CSMD1: variants seen among roughly 807,000 people sequenced by gnomAD.
The protein encoded by CSMD1 is CUB and sushi domain-containing protein 1.
In CSMD1, 213 loss-of-function variants were observed where a neutral mutation model predicts 417.5. The observed-to-expected ratio is 0.51, with a 90% CI of 0.46 to 0.57. CSMD1 has a LOEUF of 0.57. Ranked by LOEUF, CSMD1 falls within the 20% of genes least tolerant of loss-of-function variation. The pLI, the probability that CSMD1 is intolerant of heterozygous loss-of-function variation, is 0.00. For missense variants in CSMD1, 6,923 were observed against 4,529.7 expected (o/e 1.53, Z -15.17); for synonymous variants, 2,862 against 1,736.8 (o/e 1.65, Z -16.11).
intron 5 of CSMD1, among the ~76,000 whole-genome samples, chr8:3,872,018 G>C (rs573689218): frequency 1.3e-5 from 2 of 152,200 alleles, no homozygotes; most frequent in Admixed American, 1.3e-4. Context: ...AGTGAGTATA[G>C]TGGTTAACAC....
At chr8:4,371,533 T>C (rs1260421747) in intron 3 of CSMD1, among the ~76,000 whole-genome samples, 3 of 152,176 alleles carry the variant, frequency 2.0e-5, no homozygotes, top group South Asian at 2.1e-4. Flanking sequence ...AAAGAGACAA[T>C]ATCGTTATAA....
chr8:4,728,588 C>A (rs140851077), intron 1 of CSMD1, among the ~76,000 whole-genome samples: 1 of 152,170 alleles, frequency 6.6e-6, no homozygotes, highest in African/African-American at 2.4e-5. Flanking sequence ...TTACTGATAC[C>A]ATTTAACACA....
chr8:4,407,205 A>C (rs1805090738), intron 3 of CSMD1, among the ~76,000 whole-genome samples: 2 of 152,152 alleles, frequency 1.3e-5, no homozygotes, highest in Admixed American at 1.3e-4. Flanking sequence ...TAGAGTGATC[A>C]CCCCTGAATT....
rs1354711474 is a variant in CSMD1, at chr8:3,576,279, A to ATAATAATAATAG, written c.1223-1214_1223-1213insCTATTATTATTA. ...TTCCATGCATGTCAAAATAATAATAATAATAATAATAATAATAATAATACA... is the reference window on the plus strand; with the variant it reads ...TTCCATGCATGTCAAAATAATAATAATAATAATAATAGTAATAATAATAATAATAATAATACA... On this transcript the variant is annotated intron_variant, in intron 9 of 69. Coordinates refer to ENST00000635120, the MANE Select transcript of CSMD1 (RefSeq NM_033225.6). Among the ~76,000 whole-genome samples, 128 of 150,380 alleles carry ATAATAATAATAG rather than the reference A, an allele frequency of 8.5e-4. 1 individual carries two copies. Among genetic ancestry groups the ATAATAATAATAG allele is most frequent in the African/African-American group, 2.9e-3 (118 of 41,116 alleles).
At chr8:4,671,634 C>T (rs1213491732) in intron 1 of CSMD1, among the ~76,000 whole-genome samples, 1 of 152,172 alleles carries the variant, frequency 6.6e-6, no homozygotes, top group Non-Finnish European at 1.5e-5. Context: ...CAGAGAGCTT[C>T]AACTAAAACG....
intron 50 of CSMD1, among the ~76,000 whole-genome samples, chr8:3,037,474 G>A (rs1173167156): frequency 1.3e-5 from 2 of 151,900 alleles, no homozygotes; most frequent in African/African-American, 4.8e-5. Flanking sequence ...TCCCTATACC[G>A]CACTTTCTTT....
At chr8:3,981,538 G>A (rs1028109708) in intron 5 of CSMD1, among the ~76,000 whole-genome samples, 4 of 139,394 alleles carry the variant, frequency 2.9e-5, no homozygotes, top group South Asian at 2.3e-4. Flanking sequence ...ACATACAATT[G>A]TGTTTACCTA....
At position 4,495,837 on chromosome 8, in the gene CSMD1, T is replaced by C. The variant is rs562174600; in HGVS notation, c.303-75772A>G. On this transcript the variant is annotated intron_variant, in intron 2 of 69. Transcript: ENST00000635120. ...GTCATAGCCTCTTTATCAACAAATA[T>C]TAGAATTATTAATGTAAGTGGATTT... Among the ~76,000 whole-genome samples, 14 of 152,306 alleles carry C rather than the reference T, an allele frequency of 9.2e-5. No individual in the cohort carries two copies. In the East Asian group the frequency reaches 2.7e-3, roughly 29 times the overall value.
At chr8:4,396,670 C>G (rs552807198) in intron 3 of CSMD1, among the ~76,000 whole-genome samples, 4 of 152,152 alleles carry the variant, frequency 2.6e-5, no homozygotes, top group African/African-American at 7.2e-5. Context: ...CCCATACACA[C>G]ACACACCCAA....
intron 7 of CSMD1, among the ~76,000 whole-genome samples, chr8:3,685,476 G>A (rs180898609): frequency 5.2e-4 from 79 of 152,276 alleles, no homozygotes; most frequent in Non-Finnish European, 5.9e-5. Flanking sequence ...GCAGCCGAAG[G>A]AGATGGGAGC....
chr8:3,741,531 G>C (rs1420005706), intron 6 of CSMD1, among the ~76,000 whole-genome samples: 5 of 152,096 alleles, frequency 3.3e-5, no homozygotes, highest in African/African-American at 4.8e-5. Context: ...TTTTTAGTAG[G>C]CACATTTATT....
chr8:3,662,048 G>A (rs1409229913), intron 7 of CSMD1, among the ~76,000 whole-genome samples: 2 of 152,166 alleles, frequency 1.3e-5, no homozygotes, highest in East Asian at 3.9e-4. Flanking sequence ...TAGAAAACAT[G>A]AAAGGCAACT....
chr8:3,076,642 G>A (rs1177311236), intron 49 of CSMD1, among the ~76,000 whole-genome samples: 22 of 152,098 alleles, frequency 1.4e-4, no homozygotes, highest in Non-Finnish European at 2.9e-5. Flanking sequence ...CACCACCGCT[G>A]GCCTAATTTC....
rs73660837 is a variant in CSMD1, at chr8:4,446,237, G to T, written c.303-26172C>A. 7.2e-4 allele frequency among the ~76,000 whole-genome samples: 109 copies of T among 152,242 alleles called. 1 individual carries two copies. Among genetic ancestry groups the T allele is most frequent in the African/African-American group, 2.5e-3 (105 of 41,556 alleles). On this transcript the variant is annotated intron_variant, in intron 2 of 69. Transcript: ENST00000635120. ...ATCATCTATTTCTAGGATACCTTTG[G>T]GACAGAAGATCACTTGAAGAGTGGA...
rs1799055654 is a variant in CSMD1, at chr8:3,671,548, CATATATATGATCATATATA to C, written c.1009+36847_1009+36865del. ...ATGATCATATATATATATATATGAT[CATATATATGATCATATATA>C]TATATATATATATATATATATATAT... On this transcript the variant is annotated intron_variant, in intron 7 of 69. Coordinates refer to ENST00000635120, the MANE Select transcript of CSMD1 (RefSeq NM_033225.6). Among the ~76,000 whole-genome samples the C allele has an allele frequency of 2.4e-3, 7 of 2,908 alleles. No individual in the cohort carries two copies. In the Admixed American group the frequency reaches 0.036, roughly 15 times the overall value. 1.9% of individuals were successfully genotyped at this position (2,908 alleles called of 152,430 possible). A position where few individuals can be genotyped will look rare whatever the true frequency, so the allele number is the denominator to read the frequency against.
At chr8:3,593,222 G>T (rs377005139) in intron 8 of CSMD1, among the ~76,000 whole-genome samples, 1 of 152,230 alleles carries the variant, frequency 6.6e-6, no homozygotes, top group African/African-American at 2.4e-5. Context: ...CCCAAGCTGG[G>T]TGAGGAGACA....
intron 9 of CSMD1, among the ~76,000 whole-genome samples, chr8:3,583,839 T>C (rs1483913427): frequency 6.6e-6 from 1 of 151,916 alleles, no homozygotes; most frequent in Non-Finnish European, 1.5e-5. Context: ...CCAGAAAGGA[T>C]ACTTTTCAAG....
chr8:4,536,487 C>CT (rs1563266185), intron 2 of CSMD1, among the ~76,000 whole-genome samples: 3 of 151,992 alleles, frequency 2.0e-5, no homozygotes, highest in African/African-American at 7.3e-5. Context: ...ACTTTCTCTA[C>CT]CTTGTCTTTT....
In CSMD1 at chr8:4,813,762, T is replaced by C. The variant is rs556678662; in HGVS notation, c.86-176204A>G. On this transcript the variant is annotated intron_variant, in intron 1 of 69. Coordinates refer to ENST00000635120, the MANE Select transcript of CSMD1 (RefSeq NM_033225.6). ...CATACAGACTTTAAGAAAATGCATTTTGGAGTAATTTTACTGTTGCTTGAG... is the reference window on the plus strand; with the variant it reads ...CATACAGACTTTAAGAAAATGCATTCTGGAGTAATTTTACTGTTGCTTGAG... 7.2e-5 allele frequency among the ~76,000 whole-genome samples: 11 copies of C among 152,314 alleles called. No homozygotes were observed. The South Asian group carries it at 2.1e-3, about 29-fold the overall frequency.
Sources: gnomAD v4.1 joint callset for allele counts (sites outside exome capture counted in the v4.1 genomes callset) on GRCh38, gnomAD v4.1.1 for gene constraint, MANE v1.5 for transcripts, NCBI Gene and HGNC (gene_info 2026-07-23, HGNC 2026-07-21) for gene names.